Variants in MCC observed in about 807,000 individuals in gnomAD.
The protein encoded by MCC is colorectal mutant cancer protein.
A neutral mutation model predicts 116.2 loss-of-function variants in MCC; 90 were observed. The ratio of observed to expected loss-of-function variants is 0.77; its 90% CI spans 0.65 to 0.92. MCC has a LOEUF of 0.92. Among genes scored for constraint, MCC ranks in the 40% least tolerant of loss-of-function variants. MCC has a pLI of 0.00. For synonymous variants in MCC, 578 were observed against 510.5 expected, an observed-to-expected ratio of 1.13 and a Z score of -1.78; for missense variants, 1,516 against 1,312.2, an observed-to-expected ratio of 1.16 and a Z score of -2.40.
rs1461856826 is a variant in MCC, at chr5:113,022,646, C to T, written c.*4656G>A. The T allele has an allele frequency of 3.3e-5, 5 of 152,218 alleles. No homozygotes were observed. The highest frequency in any genetic ancestry group is 4.1e-4 in the South Asian group (2 of 4,836). 9.4% of individuals were successfully genotyped at this position (152,218 alleles called of 1,614,324 possible). On this transcript the variant is annotated 3_prime_UTR_variant, in exon 19 of 19. Transcript: ENST00000408903. ...AATACTATGAGTTCTACAAACAGAA[C>T]ATTTTTCCACATGAATTTGACTTGC...
chr5:113,441,428 T>C (rs748436755), intron 1 of MCC, among the ~76,000 whole-genome samples: 7 of 152,224 alleles, frequency 4.6e-5, no homozygotes, highest in African/African-American at 9.6e-5. Flanking sequence ...ACATTTTCTA[T>C]AAAGAGCTAG....
chr5:113,210,479 A>G (rs1763090921), intron 3 of MCC, among the ~76,000 whole-genome samples: 1 of 152,220 alleles, frequency 6.6e-6, no homozygotes, highest in South Asian at 2.1e-4. Context: ...CAGCTAGTGT[A>G]TTAGATAAAT....
intron 3 of MCC, among the ~76,000 whole-genome samples, chr5:113,284,848 A>C (rs747363609): frequency 1.2e-4 from 18 of 152,264 alleles, no homozygotes; most frequent in Admixed American, 2.6e-4. Flanking sequence ...ATAAATTGAT[A>C]TTAAAGTTCA....
chr5:113,339,519 G>T (rs1459988890), intron 3 of MCC, among the ~76,000 whole-genome samples: 3 of 151,018 alleles, frequency 2.0e-5, no homozygotes, highest in Non-Finnish European at 4.4e-5. Context: ...TTTAGTTGTC[G>T]TATTTTCTTA....
chr5:113,075,466 C>T (rs886260746), intron 11 of MCC, among the ~76,000 whole-genome samples: 5 of 152,204 alleles, frequency 3.3e-5, no homozygotes, highest in Admixed American at 2.0e-4. Context: ...GCGGTCCCAG[C>T]GCAGGATCCA....
intron 3 of MCC, among the ~76,000 whole-genome samples, chr5:113,218,341 G>A (rs1055414108): frequency 2.0e-5 from 3 of 152,096 alleles, no homozygotes; most frequent in African/African-American, 4.8e-5. Flanking sequence ...TTGTCACTGG[G>A]CTTTCGGGCT....
chr5:113,146,655 T>C (rs187622885), intron 4 of MCC, among the ~76,000 whole-genome samples: 3 of 152,136 alleles, frequency 2.0e-5, no homozygotes, highest in Admixed American at 6.5e-5. Context: ...CAAAGTCAAT[T>C]ATTCAGTGAT....
intron 15 of MCC, among the ~76,000 whole-genome samples, chr5:113,053,072 A>C (rs1752588591): frequency 6.6e-6 from 1 of 152,176 alleles, no homozygotes. Flanking sequence ...AGGCAAAGTG[A>C]TGTCTTGTTG....
chr5:113,314,228 A>G (rs1325274543), intron 3 of MCC, among the ~76,000 whole-genome samples: 3 of 152,220 alleles, frequency 2.0e-5, no homozygotes, highest in Admixed American at 6.5e-5. Flanking sequence ...TTTAAAAATC[A>G]TGGGGCTTCA....
intron 3 of MCC, among the ~76,000 whole-genome samples, chr5:113,329,043 G>T (rs1767632886): frequency 6.6e-6 from 1 of 152,146 alleles, no homozygotes; most frequent in Non-Finnish European, 1.5e-5. Flanking sequence ...CCTGCTACAT[G>T]CTCACTTTTT....
intron 1 of MCC, among the ~76,000 whole-genome samples, chr5:113,443,148 A>C (rs1299084729): frequency 6.7e-6 from 1 of 148,862 alleles, no homozygotes; most frequent in African/African-American, 2.6e-5. Flanking sequence ...ATGTTTTTCC[A>C]TTTGTTTGTG....
At position 113,254,724 on chromosome 5, in the gene MCC, T is replaced by C. The variant is rs185299397; in HGVS notation, c.627+85795A>G. 5.3e-3 allele frequency among the ~76,000 whole-genome samples: 806 copies of C among 152,324 alleles called. 10 individuals carry two copies. Among genetic ancestry groups the C allele is most frequent in the Non-Finnish European group, 4.2e-3 (289 of 68,028 alleles). On this transcript the variant is annotated intron_variant, in intron 3 of 18. Transcript: ENST00000408903. Reference sequence around the variant, plus strand: ...CTTTATGGTGCATTTATATTTTTGATACCACTTTGAGGGAGTGGTATTGGA... The same window carrying C: ...CTTTATGGTGCATTTATATTTTTGACACCACTTTGAGGGAGTGGTATTGGA...
intron 1 of MCC, among the ~76,000 whole-genome samples, chr5:113,410,892 T>C (rs1452981865): frequency 2.6e-5 from 4 of 152,208 alleles, no homozygotes; most frequent in Admixed American, 1.3e-4. Context: ...TTGCTCAGAA[T>C]GATGGTTTCC....
rs527266123 is a variant in MCC at position 113,074,898 on chromosome 5, G to C, written c.1785-3664C>G. ...AAATAAGGGACTGAGAGGTGACAAAGTGCTAGCAGCCCTTGCTTGCTCTTG... is the reference window on the plus strand; with the variant it reads ...AAATAAGGGACTGAGAGGTGACAAACTGCTAGCAGCCCTTGCTTGCTCTTG... On this transcript the variant is annotated intron_variant, in intron 11 of 18. Transcript: ENST00000408903. 5.3e-5 allele frequency among the ~76,000 whole-genome samples: 8 copies of C among 152,326 alleles called. No individual in the cohort carries two copies. The South Asian group carries it at 1.7e-3, about 32-fold the overall frequency.
chr5:113,463,365 G>A (rs557237610), intron 1 of MCC, among the ~76,000 whole-genome samples: 2 of 152,280 alleles, frequency 1.3e-5, no homozygotes, highest in African/African-American at 4.8e-5. Flanking sequence ...GAGATGGGAA[G>A]GCCAGTTAGG....
At chr5:113,375,421 A>G (rs1220922816) in intron 2 of MCC, among the ~76,000 whole-genome samples, 2 of 152,096 alleles carry the variant, frequency 1.3e-5, no homozygotes, top group Non-Finnish European at 2.9e-5. Context: ...ATAATTCTCT[A>G]TGTGTTTCAT....
At chr5:113,369,602 AG>A in intron 2 of MCC, among the ~76,000 whole-genome samples, 1 of 152,122 alleles carries the variant, frequency 6.6e-6, no homozygotes, top group Non-Finnish European at 1.5e-5. Flanking sequence ...TTTATTTTAG[AG>A]GAATTCTTCA....
intron 8 of MCC, among the ~76,000 whole-genome samples, chr5:113,099,898 T>C (rs1348857086): frequency 6.6e-6 from 1 of 152,218 alleles, no homozygotes; most frequent in Admixed American, 6.5e-5. Context: ...ACATGCACCA[T>C]CAGAATGCAC....
chr5:113,112,251 T>G (rs1002980413), intron 6 of MCC, among the ~76,000 whole-genome samples: 1 of 152,192 alleles, frequency 6.6e-6, no homozygotes, highest in African/African-American at 2.4e-5. Context: ...TGATAGGGCT[T>G]GGGTTTGTGT....
Sources: gnomAD v4.1 joint callset for allele counts (sites outside exome capture counted in the v4.1 genomes callset) on GRCh38, gnomAD v4.1.1 for gene constraint, MANE v1.5 for transcripts, NCBI Gene and HGNC (gene_info 2026-07-23, HGNC 2026-07-21) for gene names.